The following SLC6A11 variants were observed in gnomAD, a reference collection of about 807,000 sequenced individuals.
SLC6A11 encodes sodium- and chloride-dependent GABA transporter 3.
Under a neutral mutation model 74.8 loss-of-function variants are expected in SLC6A11, and 25 were observed. The observed-to-expected ratio is 0.33, with a 90% confidence interval of 0.24 to 0.47. The LOEUF is 0.47. Ranked by LOEUF, SLC6A11 falls within the 20% of genes least tolerant of loss-of-function variation. SLC6A11 has a pLI of 1.00. For missense variants in SLC6A11, 574 were observed against 837.0 expected, an observed-to-expected ratio of 0.69 and a Z score of 3.88; for synonymous variants, 330 against 330.2, an observed-to-expected ratio of 1.00 and a Z score of 0.01.
chr3:10,903,730 G>A (rs887126270), intron 6 of SLC6A11, among the ~76,000 whole-genome samples: 4 of 152,144 alleles, frequency 2.6e-5, no homozygotes, highest in Non-Finnish European at 4.4e-5. Flanking sequence ...TTCTGGCTGG[G>A]TTTCTGAATA....
intron 5 of SLC6A11, among the ~76,000 whole-genome samples, chr3:10,866,738 T>C (rs1694767764): frequency 6.6e-6 from 1 of 152,196 alleles, no homozygotes; most frequent in African/African-American, 2.4e-5. Flanking sequence ...CTCTACCTAT[T>C]TAGAATTTGG....
At chr3:10,823,036 G>C (rs1694157709) in intron 3 of SLC6A11, among the ~76,000 whole-genome samples, 2 of 152,170 alleles carry the variant, frequency 1.3e-5, no homozygotes, top group Admixed American at 1.3e-4. Flanking sequence ...TGGGAACAAG[G>C]GTAGAGGAGA....
At chr3:10,826,914 G>C (rs1428985505) in intron 4 of SLC6A11, among the ~76,000 whole-genome samples, 1 of 152,206 alleles carries the variant, frequency 6.6e-6, no homozygotes, top group Admixed American at 6.5e-5. Flanking sequence ...CAGCTACTTG[G>C]TTACTCAAGA....
chr3:10,918,283 G>C lies in SLC6A11; in HGVS notation c.996-46G>C. On this transcript the variant is annotated intron_variant, in intron 7 of 13. Coordinates refer to ENST00000254488, the MANE Select transcript of SLC6A11 (RefSeq NM_014229.3). The surrounding 1 kb of genome is among the most constrained non-coding windows in gnomAD (Gnocchi z 4.5). Reference sequence around the variant, plus strand: ...GTGGAGAACGTTTGAGCCGTGCACCGGTTCTGCCCGCTCTGACCCTAGTGC... The same window carrying C: ...GTGGAGAACGTTTGAGCCGTGCACCCGTTCTGCCCGCTCTGACCCTAGTGC... 2 of 1,516,228 alleles carry C rather than the reference G, an allele frequency of 1.3e-6. No individual in the cohort carries two copies. The highest frequency in any genetic ancestry group is 1.8e-6 in the Non-Finnish European group (2 of 1,133,796). The allele number at this position is 1,516,228 out of a possible 1,614,324, so 93.9% of individuals were successfully genotyped here. A position where few individuals can be genotyped will look rare whatever the true frequency, so the allele number is the denominator to read the frequency against.
intron 8 of SLC6A11, among the ~76,000 whole-genome samples, chr3:10,919,335 GTA>G (rs1214860302): frequency 6.6e-6 from 1 of 152,186 alleles, no homozygotes; most frequent in Non-Finnish European, 1.5e-5. Flanking sequence ...CCTCAGATAA[GTA>G]TAAATAGGTT....
chr3:10,875,418 A>G (rs1233712273), intron 6 of SLC6A11, among the ~76,000 whole-genome samples: 1 of 152,248 alleles, frequency 6.6e-6, no homozygotes, highest in Non-Finnish European at 1.5e-5. Context: ...CATAAGTGAC[A>G]TTTCAAGATA....
At chr3:10,861,466 G>A (rs1219942244) in intron 5 of SLC6A11, among the ~76,000 whole-genome samples, 1 of 152,152 alleles carries the variant, frequency 6.6e-6, no homozygotes, top group African/African-American at 2.4e-5. Flanking sequence ...GCAGCAAGCA[G>A]TGATTTCACC....
intron 5 of SLC6A11, among the ~76,000 whole-genome samples, chr3:10,853,266 A>T (rs1027033087): frequency 1.3e-5 from 2 of 152,182 alleles, no homozygotes; most frequent in Non-Finnish European, 2.9e-5. Context: ...AGGAACAGTG[A>T]TGAGCAAAAG....
At chr3:10,869,842 G>T (rs1332425188) in intron 5 of SLC6A11, among the ~76,000 whole-genome samples, 1 of 152,138 alleles carries the variant, frequency 6.6e-6, no homozygotes, top group African/African-American at 2.4e-5. Context: ...GAAGAAAGGT[G>T]ATGAATGGCA....
chr3:10,823,846 A>G (rs1694169684), intron 4 of SLC6A11: 1 of 169,000 alleles, frequency 5.9e-6, no homozygotes, highest in African/African-American at 2.4e-5. Flanking sequence ...GAGATTATAA[A>G]GAGGCAGGTT....
In SLC6A11 at chr3:10,939,289, G is replaced by C. The variant is rs918161572; in HGVS notation, c.*887G>C. ...CAGCCCTGCTCTCTGGACACCAGTGGGTCCTCAGCCCCCATGGCAGGGGCT... is the reference window on the plus strand; with the variant it reads ...CAGCCCTGCTCTCTGGACACCAGTGCGTCCTCAGCCCCCATGGCAGGGGCT... On this transcript the variant is annotated 3_prime_UTR_variant, in exon 14 of 14. Transcript: ENST00000254488. 2 of 152,232 alleles carry C rather than the reference G, an allele frequency of 1.3e-5. No homozygotes were observed. The highest frequency in any genetic ancestry group is 4.8e-5 in the African/African-American group (2 of 41,452). 9.4% of individuals were successfully genotyped at this position (152,232 alleles called of 1,614,324 possible). A position where few individuals can be genotyped will look rare whatever the true frequency, so the allele number is the denominator to read the frequency against.
Position 10,915,318 on chromosome 3 carries a change from C to T in SLC6A11, c.996-3011C>T, listed in dbSNP as rs921488680. Reference sequence around the variant, plus strand: ...AGCCATGGGTCCCTTCTGCTTCCCCCTCCAGCAGGCAGGTTTTATTCCATC... The same window carrying T: ...AGCCATGGGTCCCTTCTGCTTCCCCTTCCAGCAGGCAGGTTTTATTCCATC... On this transcript the variant is annotated intron_variant, in intron 7 of 13. Coordinates refer to ENST00000254488, the MANE Select transcript of SLC6A11 (RefSeq NM_014229.3). The surrounding 1 kb of genome is among the most constrained non-coding windows in gnomAD (Gnocchi z 4.3). Among the ~76,000 whole-genome samples the T allele has an allele frequency of 2.6e-5, 4 of 152,204 alleles. No homozygotes were observed. Among genetic ancestry groups the T allele is most frequent in the Non-Finnish European group, 4.4e-5 (3 of 68,032 alleles).
intron 12 of SLC6A11, 128 bp from the exon 13 acceptor site, chr3:10,934,901 G>T: frequency 1.3e-6 from 1 of 788,832 alleles, no homozygotes; most frequent in Non-Finnish European, 2.1e-6. Context: ...CACTTTTCAT[G>T]GCTGTGAAAC....
chr3:10,827,725 T>A (rs182338084), intron 4 of SLC6A11, among the ~76,000 whole-genome samples: 1 of 152,174 alleles, frequency 6.6e-6, no homozygotes, highest in Non-Finnish European at 1.5e-5. Context: ...GAGGTTCTAG[T>A]CTCTAGAAGC....
intron 6 of SLC6A11, among the ~76,000 whole-genome samples, chr3:10,903,137 G>A (rs1695261422): frequency 6.6e-6 from 1 of 152,130 alleles, no homozygotes; most frequent in African/African-American, 2.4e-5. Flanking sequence ...AAGACCTAAG[G>A]CATTACCACA....
chr3:10,886,932 T>C (rs886537743), intron 6 of SLC6A11, among the ~76,000 whole-genome samples: 3 of 152,242 alleles, frequency 2.0e-5, no homozygotes, highest in Non-Finnish European at 4.4e-5. Flanking sequence ...TGTTCATTGT[T>C]AATATCCCCA....
chr3:10,912,643 A>G (rs547524678), intron 7 of SLC6A11, among the ~76,000 whole-genome samples: 1 of 152,238 alleles, frequency 6.6e-6, no homozygotes, highest in South Asian at 2.1e-4. Context: ...TCAGCCTAAC[A>G]TGTCTCTCTG....
chr3:10,820,565 C>T (rs1443065256), intron 3 of SLC6A11, among the ~76,000 whole-genome samples: 1 of 152,136 alleles, frequency 6.6e-6, no homozygotes, highest in Non-Finnish European at 1.5e-5. Context: ...TTGAATTTAG[C>T]CCCCAACCCC....
At position 10,913,818 on chromosome 3, in the gene SLC6A11, C is replaced by T. The variant is rs547442209; in HGVS notation, c.995+1625C>T. Among the ~76,000 whole-genome samples the T allele has an allele frequency of 2.6e-5, 4 of 152,256 alleles. 1 individual carries two copies. In the South Asian group the frequency reaches 6.2e-4, roughly 24 times the overall value. On this transcript the variant is annotated intron_variant, in intron 7 of 13. Coordinates refer to ENST00000254488, the MANE Select transcript of SLC6A11 (RefSeq NM_014229.3). Reference sequence around the variant, plus strand: ...ACGCCATTCTCCTGCCTCAGCCTCCCGAGTTGCTGGGACTACAGGCGCCCG... The same window carrying T: ...ACGCCATTCTCCTGCCTCAGCCTCCTGAGTTGCTGGGACTACAGGCGCCCG...
Sources: allele counts gnomAD v4.1 joint callset (sites outside exome capture counted in the v4.1 genomes callset), GRCh38; gene constraint gnomAD v4.1.1; non-coding constraint Gnocchi (gnomAD v3.1); transcripts MANE v1.5; gene names NCBI Gene and HGNC (gene_info 2026-07-23, HGNC 2026-07-21).